The following MYBL1 variants were observed in gnomAD, a reference collection of about 807,000 sequenced individuals.
The protein encoded by MYBL1 is myb-related protein A.
MYBL1 carries 17 observed loss-of-function variants against 96.3 expected under a neutral mutation model. The ratio of observed to expected loss-of-function variants is 0.18; its 90% CI spans 0.12 to 0.26. The LOEUF (loss-of-function observed/expected upper bound fraction) is 0.26. MYBL1 is among the 10% of genes least tolerant of loss of function. MYBL1 has a pLI of 1.00. For synonymous variants in MYBL1, 282 were observed against 292.7 expected, an observed-to-expected ratio of 0.96 and a Z score of 0.37; for missense variants, 701 against 882.9, an observed-to-expected ratio of 0.79 and a Z score of 2.61.
In MYBL1 at chr8:66,576,176, G is replaced by A. The variant is rs748042908; in HGVS notation, c.1301C>T (p.Ser434Phe). 9.9e-6 allele frequency: 16 copies of A among 1,613,960 alleles called. No individual in the cohort carries two copies. The highest frequency in any genetic ancestry group is 1.3e-5 in the African/African-American group (1 of 75,030). The change falls in exon 10 of 16, where the codon TCC becomes TTC. Residue 434 changes from serine (S) to phenylalanine (F), a missense_variant. Transcript: ENST00000522677. ...AGTGCTAAACTTGGCTATATTTGGG[G>A]ATGTTAAAGGAACAGCTTCACTGTT... ...GGNSEAVPLT[S>F]PNIAKFSTPP...
At chr8:66,574,410 C>G (rs1586558551) in intron 10 of MYBL1, among the ~76,000 whole-genome samples, 1 of 152,162 alleles carries the variant, frequency 6.6e-6, no homozygotes, top group African/African-American at 2.4e-5. Flanking sequence ...TTCTCCAGTG[C>G]TTTTTAACTC....
intron 2 of MYBL1, 109 bp downstream of exon 2, chr8:66,602,309 C>T: frequency 1.6e-6 from 1 of 622,036 alleles, no homozygotes; most frequent in Non-Finnish European, 2.5e-6. Context: ...TCTCGGCCTC[C>T]CAAAGGGCTG....
intron 10 of MYBL1, among the ~76,000 whole-genome samples, chr8:66,575,494 T>C (rs1808899865): frequency 6.6e-6 from 1 of 152,094 alleles, no homozygotes; most frequent in Non-Finnish European, 1.5e-5. Flanking sequence ...AAAACTGTAG[T>C]ATAATATCAT....
Position 66,593,187 on chromosome 8 carries a change from C to A in MYBL1, c.695G>T (p.Gly232Val). The A allele has an allele frequency of 8.3e-6, 13 of 1,569,984 alleles. No individual in the cohort carries two copies. The highest frequency in any genetic ancestry group is 1.0e-5 in the Non-Finnish European group (12 of 1,151,300). ...NQFYIPVQIP[G>V]YQYVSPEGNC... ...GCCTTCAGGTGACACATACTGATACCCAGGGATCTAAAAAGTAATTAATGC... is the reference window on the plus strand; with the variant it reads ...GCCTTCAGGTGACACATACTGATACACAGGGATCTAAAAAGTAATTAATGC... The change falls in exon 7 of 16, where the codon GGG (glycine) becomes GTG (valine). Residue 232 changes from glycine (G) to valine (V), a missense_variant. Physicochemically the swap from Gly to Val is moderately radical, Grantham distance 109 (BLOSUM62 -3). Transcript: ENST00000522677.
intron 1 of MYBL1, among the ~76,000 whole-genome samples, chr8:66,602,728 T>C: frequency 2.0e-5 from 1 of 50,120 alleles, no homozygotes; most frequent in Non-Finnish European, 3.6e-5. Flanking sequence ...TATATATATA[T>C]ATATATTTTT....
intron 8 of MYBL1, among the ~76,000 whole-genome samples, chr8:66,591,561 T>C (rs1308384016): frequency 2.0e-5 from 3 of 152,094 alleles, no homozygotes; most frequent in Non-Finnish European, 2.9e-5. Context: ...CTATATAAAA[T>C]TTCTTCTTTT....
chr8:66,598,641 T>C (rs959716053), intron 4 of MYBL1, among the ~76,000 whole-genome samples: 2 of 152,226 alleles, frequency 1.3e-5, no homozygotes, highest in Non-Finnish European at 2.9e-5. Flanking sequence ...GGACTCATTA[T>C]AGGTTAAGAG....
At chr8:66,578,811 CAAAG>C (rs1213674765) in intron 9 of MYBL1, among the ~76,000 whole-genome samples, 2 of 152,132 alleles carry the variant, frequency 1.3e-5, no homozygotes, top group Non-Finnish European at 2.9e-5. Flanking sequence ...TTCACAATAG[CAAAG>C]ACTTGGAACC....
chr8:66,606,958 T>G (rs1339776152), intron 1 of MYBL1, among the ~76,000 whole-genome samples: 1 of 152,100 alleles, frequency 6.6e-6, no homozygotes, highest in African/African-American at 2.4e-5. Context: ...GCCTGGCTAA[T>G]TTTTGAATTT....
At chr8:66,611,960 C>T (rs923016755) in intron 1 of MYBL1, among the ~76,000 whole-genome samples, 16 of 152,088 alleles carry the variant, frequency 1.1e-4, no homozygotes, top group African/African-American at 1.9e-4. Context: ...CGGAAGACAT[C>T]CTATATTTTT....
intron 8 of MYBL1, among the ~76,000 whole-genome samples, chr8:66,586,197 C>T (rs866522167): frequency 1.6e-4 from 24 of 152,022 alleles, no homozygotes; most frequent in Middle Eastern, 3.4e-3. Context: ...AGGTGCTCAC[C>T]ACCACGCCTG....
chr8:66,579,988 C>A, intron 9 of MYBL1, 145 bp downstream of exon 9: 1 of 574,722 alleles, frequency 1.7e-6, no homozygotes. Context: ...AACTTTTTTC[C>A]CCTAGAAGCC....
intron 10 of MYBL1, 151 bp downstream of exon 10, chr8:66,575,856 A>T: frequency 1.7e-6 from 1 of 571,516 alleles, no homozygotes. Flanking sequence ...GATACTTTCT[A>T]TTCTCTCAGA....
rs761701052 is a variant in MYBL1 at position 66,570,312 on chromosome 8, C to CTT, written c.1728+2168_1728+2169dup. On this transcript the variant is annotated intron_variant, in intron 12 of 15. Coordinates refer to ENST00000522677, the MANE Select transcript of MYBL1 (RefSeq NM_001080416.4). ...ATTACAAATATACTTTTGTTTTTGT[C>CTT]TTTTTTTTTTTTTTTCAAACAGAGC... 3.2e-3 allele frequency among the ~76,000 whole-genome samples: 429 copies of CTT among 133,692 alleles called. 2 individuals carry two copies. The highest frequency in any genetic ancestry group is 0.01 in the African/African-American group (376 of 37,078). The allele number at this position is 133,692 out of a possible 152,430, so 87.7% of individuals were successfully genotyped here. A position where few individuals can be genotyped will look rare whatever the true frequency, so the allele number is the denominator to read the frequency against.
chr8:66,567,893 C>T (rs551302490), intron 12 of MYBL1, among the ~76,000 whole-genome samples: 62 of 151,922 alleles, frequency 4.1e-4, no homozygotes, highest in African/African-American at 1.5e-3. Context: ...GAAACCCCAT[C>T]TCTACTAAAA....
chr8:66,574,820 C>T (rs920036862), intron 10 of MYBL1, among the ~76,000 whole-genome samples: 1 of 152,038 alleles, frequency 6.6e-6, no homozygotes, highest in Non-Finnish European at 1.5e-5. Context: ...TTTGGGAGGC[C>T]GAGGCGGGCA....
At chr8:66,565,148 AT>A (rs1355344417) in intron 15 of MYBL1, 1 of 156,820 alleles carries the variant, frequency 6.4e-6, no homozygotes, top group East Asian at 1.8e-4. Context: ...GTTAGTCTTT[AT>A]TGCTTCAAAA....
intron 8 of MYBL1, among the ~76,000 whole-genome samples, chr8:66,592,175 G>A (rs1181444434): frequency 6.6e-6 from 1 of 151,950 alleles, no homozygotes; most frequent in African/African-American, 2.4e-5. Context: ...CTGAGGTGGG[G>A]CATCATTTGA....
rs369038131 is a variant in MYBL1 at position 66,566,207 on chromosome 8, G to T, written c.1987C>A (p.Pro663Thr). ...CTATTGTCATGTATTTCCAATAATG[G>T]TATCATTAATAAGGATGTAGTAAAT... is the stretch of plus-strand genomic sequence containing the variant. Reference protein sequence around the residue: ...NRFTTSLLMIPLLEIHDNRCN... With the variant: ...NRFTTSLLMITLLEIHDNRCN... The change falls in exon 15 of 16, where the codon CCA (proline) becomes ACA (threonine). Residue 663 changes from proline to threonine, a missense_variant. Physicochemically the swap from Pro to Thr is conservative, Grantham distance 38. Around this residue, in one of 5 missense-constraint regions of MYBL1, gnomAD observed 137 missense variants for 137.5 expected, o/e 1.00. Transcript: ENST00000522677. 83 of 1,508,764 alleles carry T rather than the reference G, an allele frequency of 5.5e-5. 1 individual carries two copies. The African/African-American group carries it at 1.0e-3, about 18-fold the overall frequency. 93.5% of individuals were successfully genotyped at this position (1,508,764 alleles called of 1,614,324 possible).
Sources: gnomAD v4.1 joint callset for allele counts (sites outside exome capture counted in the v4.1 genomes callset) on GRCh38, gnomAD v4.1.1 for gene constraint, gnomAD v4.1.1 regional missense constraint, MANE v1.5 for transcripts, NCBI Gene and HGNC (gene_info 2026-07-23, HGNC 2026-07-21) for gene names.